Variants in SSH1 observed in about 807,000 individuals in gnomAD.
SSH1 encodes protein phosphatase Slingshot homolog 1.
In SSH1, 43 loss-of-function variants were observed where a neutral mutation model predicts 79.7. The observed-to-expected ratio is 0.54, with a 90% confidence interval of 0.42 to 0.70. The LOEUF (loss-of-function observed/expected upper bound fraction) is 0.70. Ranked by LOEUF, SSH1 falls within the 30% of genes least tolerant of loss-of-function variation. SSH1 has a pLI of 0.00. For synonymous variants in SSH1, 599 were observed against 538.3 expected (o/e 1.11, Z -1.56); for missense variants, 1,206 against 1,358.8 (o/e 0.89, Z 1.77).
chr12:108,791,417 T>A (rs2036495760), intron 14 of SSH1, among the ~76,000 whole-genome samples: 1 of 152,176 alleles, frequency 6.6e-6, no homozygotes, highest in South Asian at 2.1e-4. Context: ...CCTATCAGTT[T>A]TTTTAAAAGG....
rs1259136453 is a variant in SSH1 at position 108,846,937 on chromosome 12, C to T, written c.110+5701G>A. ...TTTTTGAGACAGGGTCTTGCTGTCA[C>T]CCAGGATGGAGTGCAGCGGCACAAT... is the stretch of plus-strand genomic sequence containing the variant. On this transcript the variant is annotated intron_variant, in intron 2 of 14. Coordinates refer to ENST00000326495, the MANE Select transcript of SSH1 (RefSeq NM_018984.4). 2.0e-4 allele frequency among the ~76,000 whole-genome samples: 30 copies of T among 152,190 alleles called. 1 individual carries two copies. The highest frequency in any genetic ancestry group is 1.2e-3 in the South Asian group (6 of 4,824).
At chr12:108,793,040 G>A (rs2036581718) in intron 13 of SSH1, among the ~76,000 whole-genome samples, 1 of 152,202 alleles carries the variant, frequency 6.6e-6, no homozygotes, top group Non-Finnish European at 1.5e-5. Context: ...GTCCAGGCTC[G>A]CACAGGAAGC....
At chr12:108,847,904 C>T (rs2038934580) in intron 2 of SSH1, among the ~76,000 whole-genome samples, 1 of 152,168 alleles carries the variant, frequency 6.6e-6, no homozygotes, top group Non-Finnish European at 1.5e-5. Context: ...GCCAGGGGCT[C>T]CCTGCTTTCT....
At chr12:108,815,199 G>C (rs770982113) in intron 5 of SSH1, among the ~76,000 whole-genome samples, 2 of 152,202 alleles carry the variant, frequency 1.3e-5, no homozygotes, top group Admixed American at 6.5e-5. Context: ...GTCCCAGCCC[G>C]GCCACTAACC....
chr12:108,799,003 G>C lies in SSH1; in HGVS notation c.1346C>G (p.Ala449Gly). The C allele has an allele frequency of 6.2e-7, 1 of 1,612,672 alleles. No homozygotes were observed. Among genetic ancestry groups the C allele is most frequent in the Non-Finnish European group, 8.5e-7 (1 of 1,180,032 alleles). Residue 449 changes from alanine to glycine, a missense_variant, in exon 13 of 15, where the codon GCA becomes GGA. By Grantham distance (60) the Ala-to-Gly change is moderately conservative. Transcript: ENST00000326495. ...QLSEYEGILD[A>G]SKQRHNKLWR... is the part of the protein sequence containing the mutation. ...TTCTCTCCAGGCAGGCACCCACCTTGCATCCAAGATGCCTTCATACTCAGA... is the reference window on the plus strand; with the variant it reads ...TTCTCTCCAGGCAGGCACCCACCTTCCATCCAAGATGCCTTCATACTCAGA...
chr12:108,791,793 T>C, intron 14 of SSH1: 1 of 291,128 alleles, frequency 3.4e-6, no homozygotes, highest in Non-Finnish European at 5.6e-6. Flanking sequence ...TATATACCTA[T>C]AATATATATT....
chr12:108,856,112 G>A lies in SSH1; in HGVS notation c.69+1316C>T, dbSNP rs559634243. Among the ~76,000 whole-genome samples, 7 of 152,372 alleles carry A rather than the reference G, an allele frequency of 4.6e-5. No individual in the cohort carries two copies. The East Asian group carries it at 1.2e-3, about 25-fold the overall frequency. The stretch of plus-strand genomic sequence containing the variant: ...CTGGCTGCGGAACTTCCTGGGCCTG[G>A]GACCGCAGGGCCGCTCCTCCAGTCT... On this transcript the variant is annotated intron_variant, in intron 1 of 14. Coordinates refer to ENST00000326495, the MANE Select transcript of SSH1 (RefSeq NM_018984.4).
rs758126463 is a variant in SSH1 at position 108,802,304 on chromosome 12, C to A, written c.1001+18G>T. ...AGCTGCCTGGAAGGACAGGGAAAGA[C>A]AAGGGGAGGAGACTCACCCTGAGCC... On this transcript the variant is annotated intron_variant, in intron 11 of 14. Coordinates refer to ENST00000326495, the MANE Select transcript of SSH1 (RefSeq NM_018984.4). 6.2e-7 allele frequency: 1 copy of A among 1,612,806 alleles called. No individual in the cohort carries two copies. The highest frequency in any genetic ancestry group is 8.5e-7 in the Non-Finnish European group (1 of 1,178,956).
Position 108,792,403 on chromosome 12 carries a change from C to T in SSH1, c.1776G>A (p.Arg592=). The change falls in exon 14 of 15, where the codon AGG becomes AGA. Residue 592 remains arginine (R), a synonymous_variant. Coordinates refer to ENST00000326495, the MANE Select transcript of SSH1 (RefSeq NM_018984.4). The part of the protein sequence containing the change: ...GSLLQVEETE[R]EEGLGAGRWG... Reference sequence around the variant, plus strand: ...ACCTCCCTGCTCCCAGGCCCTCCTCCCTTTCCGTCTCCTCCACCTGCAGCA... The same window carrying T: ...ACCTCCCTGCTCCCAGGCCCTCCTCTCTTTCCGTCTCCTCCACCTGCAGCA... 1 of 1,614,214 alleles carries T rather than the reference C, an allele frequency of 6.2e-7. No individual in the cohort carries two copies. The highest frequency in any genetic ancestry group is 1.3e-5 in the African/African-American group (1 of 75,046).
intron 14 of SSH1, among the ~76,000 whole-genome samples, chr12:108,790,855 G>A (rs2036471068): frequency 6.6e-6 from 1 of 152,178 alleles, no homozygotes; most frequent in Non-Finnish European, 1.5e-5. Context: ...GTCAGCAGCA[G>A]GGCAAGGGTG....
At chr12:108,839,014 G>A (rs2038711871) in intron 2 of SSH1, among the ~76,000 whole-genome samples, 1 of 152,134 alleles carries the variant, frequency 6.6e-6, no homozygotes. Flanking sequence ...CTCTATGAAT[G>A]TTGTAAGGTG....
At chr12:108,822,343 G>T (rs541652395) in intron 3 of SSH1, among the ~76,000 whole-genome samples, 14 of 152,104 alleles carry the variant, frequency 9.2e-5, no homozygotes, top group African/African-American at 3.1e-4. Context: ...TGTGTTGTTC[G>T]GGTTAGTCTG....
At chr12:108,841,755 G>A (rs1312269857) in intron 2 of SSH1, among the ~76,000 whole-genome samples, 2 of 152,120 alleles carry the variant, frequency 1.3e-5, no homozygotes, top group Non-Finnish European at 2.9e-5. Context: ...GTTGCAGTGA[G>A]CCAAGATCGT....
intron 5 of SSH1, chr12:108,811,637 G>C: frequency 2.3e-6 from 1 of 443,586 alleles, no homozygotes; most frequent in Non-Finnish European, 4.2e-6. Flanking sequence ...GTACTTGGGG[G>C]TACATAGGCA....
chr12:108,823,883 G>T (rs2038218592), intron 2 of SSH1, among the ~76,000 whole-genome samples: 1 of 152,150 alleles, frequency 6.6e-6, no homozygotes, highest in African/African-American at 2.4e-5. Context: ...GGCCAGGCTG[G>T]TCTCAAACTC....
chr12:108,805,926 C>A (rs2037247820), intron 9 of SSH1, among the ~76,000 whole-genome samples: 2 of 151,908 alleles, frequency 1.3e-5, no homozygotes, highest in Admixed American at 1.3e-4. Flanking sequence ...TCTGCTGTCT[C>A]TTCCATAAAA....
Position 108,785,344 on chromosome 12 carries a change from ACTC to A in SSH1, c.*2641_*2643del, listed in dbSNP as rs1321105563. 9 of 151,820 alleles carry A rather than the reference ACTC, an allele frequency of 5.9e-5. No individual in the cohort carries two copies. Among genetic ancestry groups the A allele is most frequent in the Admixed American group, 5.3e-4 (8 of 15,226 alleles). The allele number at this position is 151,820 out of a possible 1,614,324, so 9.4% of individuals were successfully genotyped here. ...ACCATGTTGGCCAGGCTGGTCTAGAACTCCTGACCTCAGATGATCCGCCTGCCT... is the reference window on the plus strand; with the variant it reads ...ACCATGTTGGCCAGGCTGGTCTAGAACTGACCTCAGATGATCCGCCTGCCT... On this transcript the variant is annotated 3_prime_UTR_variant, in exon 15 of 15. Transcript: ENST00000326495.
intron 5 of SSH1, among the ~76,000 whole-genome samples, chr12:108,816,506 GCC>G (rs2037893431): frequency 6.6e-6 from 1 of 152,104 alleles, no homozygotes; most frequent in Non-Finnish European, 1.5e-5. Flanking sequence ...AACTTACTTG[GCC>G]TCCAGTTAGT....
intron 10 of SSH1, among the ~76,000 whole-genome samples, chr12:108,803,674 G>C (rs1380471178): frequency 6.6e-6 from 1 of 152,174 alleles, no homozygotes; most frequent in African/African-American, 2.4e-5. Flanking sequence ...CTGAAGCTGA[G>C]ACTGTCCTCT....
Sources: gnomAD v4.1 joint callset for allele counts (sites outside exome capture counted in the v4.1 genomes callset) on GRCh38, gnomAD v4.1.1 for gene constraint, MANE v1.5 for transcripts, NCBI Gene and HGNC (gene_info 2026-07-23, HGNC 2026-07-21) for gene names.